IPO5: variants seen among roughly 807,000 people sequenced by gnomAD.
IPO5 encodes the protein importin 5.
A neutral mutation model predicts 143.3 loss-of-function variants in IPO5; 18 were observed. The observed-to-expected ratio is 0.13, with a 90% confidence interval of 0.09 to 0.19. The LOEUF (loss-of-function observed/expected upper bound fraction) is 0.19. Among genes scored for constraint, IPO5 ranks in the 10% least tolerant of loss-of-function variants. The probability of loss-of-function intolerance (pLI) is 1.00; values close to 1 mark genes in which losing one functional copy is unlikely to be tolerated. For missense variants in IPO5, 1,013 were observed against 1,336.9 expected, an observed-to-expected ratio of 0.76 and a Z score of 3.78; for synonymous variants, 477 against 465.7, an observed-to-expected ratio of 1.02 and a Z score of -0.31.
Position 98,015,662 on chromosome 13 carries a change from T to C in IPO5, c.2437+21T>C, listed in dbSNP as rs756566337. The stretch of plus-strand genomic sequence containing the variant: ...ACAAGGTAAGTTTTCCATGCTTTTA[T>C]TTCTGAATATAATCCTTGACCATCT... On this transcript the variant is annotated intron_variant, in intron 23 of 28. Coordinates refer to ENST00000651721, the MANE Select transcript of IPO5 (RefSeq NM_002271.6). The C allele has an allele frequency of 1.9e-6, 3 of 1,584,740 alleles. No homozygotes were observed. The East Asian group carries it at 6.7e-5, about 35-fold the overall frequency.
chr13:97,994,105 A>C, intron 11 of IPO5, among the ~76,000 whole-genome samples: 1 of 152,190 alleles, frequency 6.6e-6, no homozygotes, highest in East Asian at 1.9e-4. Context: ...TCAGGAGTTC[A>C]AGACCAGCCT....
chr13:97,986,417 G>A (rs555498933), intron 6 of IPO5, among the ~76,000 whole-genome samples: 5 of 151,802 alleles, frequency 3.3e-5, no homozygotes, highest in African/African-American at 9.7e-5. Context: ...GTGCAGTGGT[G>A]CAATCTTGGC....
chr13:97,975,978 G>C (rs1053305660), intron 3 of IPO5: 2 of 985,422 alleles, frequency 2.0e-6, no homozygotes, highest in East Asian at 2.3e-4. Flanking sequence ...GTCTGAAAGC[G>C]AGAAGTCCGT....
At chr13:97,954,612 C>G (rs1233824082) in intron 2 of IPO5, among the ~76,000 whole-genome samples, 1 of 152,164 alleles carries the variant, frequency 6.6e-6, no homozygotes, top group Non-Finnish European at 1.5e-5. Context: ...AAAACAAAAT[C>G]AATCCCTAAG....
chr13:97,969,907 C>A, intron 3 of IPO5, 77 bp downstream of exon 3: 1 of 1,156,880 alleles, frequency 8.6e-7, no homozygotes, highest in Non-Finnish European at 1.3e-6. Flanking sequence ...CCATGTTGCC[C>A]AGGCTGGTCT....
intron 26 of IPO5, among the ~76,000 whole-genome samples, chr13:98,019,203 C>T (rs1890318494): frequency 6.6e-6 from 1 of 152,176 alleles, no homozygotes; most frequent in African/African-American, 2.4e-5. Flanking sequence ...CGGCCCACCT[C>T]AGCCTCCCAA....
intron 8 of IPO5, 97 bp from the exon 9 acceptor site, chr13:97,990,336 T>G: frequency 1.1e-5 from 13 of 1,166,466 alleles, no homozygotes; most frequent in Non-Finnish European, 1.6e-5. Context: ...AAACACCAGT[T>G]TTACTGATAA....
rs775150809 is a variant in IPO5, at chr13:98,002,866, G to T, written c.1326G>T (p.Val442=). ...PGFQKKFHEK[V]IAALLQTMED... ...GCCCATTTGGTTTCATTTCACAGGT[G>T]ATTGCAGCTCTGCTGCAGACCATGG... Residue 442 remains valine, a splice_region_variant and synonymous_variant, in exon 16 of 29, where the codon GTG becomes GTT. Transcript: ENST00000651721. 1.9e-6 allele frequency: 3 copies of T among 1,609,676 alleles called. No individual in the cohort carries two copies. Among genetic ancestry groups the T allele is most frequent in the Non-Finnish European group, 2.5e-6 (3 of 1,178,290 alleles).
At chr13:98,013,353 CATA>C (rs1171965992) in intron 21 of IPO5, among the ~76,000 whole-genome samples, 2 of 152,214 alleles carry the variant, frequency 1.3e-5, no homozygotes, top group Non-Finnish European at 2.9e-5. Flanking sequence ...TCTTTCTCAA[CATA>C]ATGATAGCCG....
intron 2 of IPO5, among the ~76,000 whole-genome samples, chr13:97,957,661 G>GA (rs1259025705): frequency 6.6e-6 from 1 of 151,806 alleles, no homozygotes; most frequent in African/African-American, 2.4e-5. Context: ...TGAAGTATAA[G>GA]AAAAAATAAA....
chr13:97,995,198 G>C (rs1030943130), intron 11 of IPO5, among the ~76,000 whole-genome samples: 1 of 104,070 alleles, frequency 9.6e-6, no homozygotes, highest in African/African-American at 3.4e-5. Context: ...TTTTTTGTTT[G>C]TTTAATAGGT....
rs1052574529 is a variant in IPO5, at chr13:97,992,919, G to A, written c.697G>A (p.Asp233Asn). 3.1e-6 allele frequency: 5 copies of A among 1,613,008 alleles called. No homozygotes were observed. Among genetic ancestry groups the A allele is most frequent in the East Asian group, 2.2e-5 (1 of 44,844 alleles). Residue 233 changes from aspartate to asparagine, a missense_variant, in exon 10 of 29, where the codon GAT (aspartate) becomes AAT (asparagine). By Grantham distance (23) the Asp-to-Asn change is conservative. Coordinates refer to ENST00000651721, the MANE Select transcript of IPO5 (RefSeq NM_002271.6). ...GGTAAATGACTCGTGCTACCAGAATGATGATTCTGTCCTAAAATCCCTCGT... is the reference window on the plus strand; with the variant it reads ...GGTAAATGACTCGTGCTACCAGAATAATGATTCTGTCCTAAAATCCCTCGT... ...QAVNDSCYQN[D>N]DSVLKSLVEI...
intron 1 of IPO5, 190 bp downstream of exon 1, chr13:97,953,906 G>T (rs1244355805): frequency 2.2e-6 from 1 of 456,150 alleles, no homozygotes; most frequent in Admixed American, 2.4e-5. Context: ...ATGATTTGGA[G>T]AACATTCTAC....
chr13:98,005,305 C>T (rs116586533), intron 16 of IPO5, among the ~76,000 whole-genome samples: 2 of 151,784 alleles, frequency 1.3e-5, no homozygotes, highest in African/African-American at 2.4e-5. Context: ...TCAAGCAATT[C>T]TCCTTCCTCT....
intron 2 of IPO5, among the ~76,000 whole-genome samples, chr13:97,969,169 A>ATT (rs1566454631): frequency 1.8e-4 from 13 of 72,272 alleles, no homozygotes; most frequent in African/African-American, 9.6e-4. Flanking sequence ...ATATATATAT[A>ATT]TATATATTTT....
At chr13:98,005,363 ATTT>A (rs1311915676) in intron 16 of IPO5, among the ~76,000 whole-genome samples, 1 of 120,370 alleles carries the variant, frequency 8.3e-6, no homozygotes, top group Admixed American at 8.2e-5. Flanking sequence ...CACCTGGCTA[ATTT>A]TTATTTATTT....
At chr13:97,989,282 CA>C in intron 7 of IPO5, 118 bp downstream of exon 7, 1 of 542,254 alleles carries the variant, frequency 1.8e-6, no homozygotes. Context: ...AATGCCTTTA[CA>C]TAAGTTTTGT....
In IPO5 at chr13:98,019,519, A is replaced by T. The variant is rs759299451; in HGVS notation, c.2837-62A>T. The T allele has an allele frequency of 1.2e-4, 131 of 1,102,410 alleles. 1 individual carries two copies. The highest frequency in any genetic ancestry group is 1.7e-4 in the Non-Finnish European group (127 of 731,002). The allele number at this position is 1,102,410 out of a possible 1,614,324, so 68.3% of individuals were successfully genotyped here. On this transcript the variant is annotated intron_variant, in intron 26 of 28. Coordinates refer to ENST00000651721, the MANE Select transcript of IPO5 (RefSeq NM_002271.6). ...ATATCTGAACCAAATACAAAAATAC[A>T]TATATTCATTTGCATGAAAATGTGA...
intron 22 of IPO5, among the ~76,000 whole-genome samples, chr13:98,015,271 T>TGTGTGTG (rs56111702): frequency 4.0e-5 from 6 of 151,564 alleles, no homozygotes; most frequent in Non-Finnish European, 8.8e-5. Context: ...TGTGTGTGTG[T>TGTGTGTG]TTTCCATCTT....
Sources: allele counts gnomAD v4.1 joint callset (sites outside exome capture counted in the v4.1 genomes callset), GRCh38; gene constraint gnomAD v4.1.1; transcripts MANE v1.5; gene names NCBI Gene and HGNC (gene_info 2026-07-23, HGNC 2026-07-21).